The following DOCK11 variants were observed in gnomAD, a reference collection of about 807,000 sequenced individuals.
DOCK11 encodes dedicator of cytokinesis protein 11.
Under a neutral mutation model 169.1 loss-of-function variants are expected in DOCK11, and 70 were observed. That is an observed-to-expected ratio of 0.41 (90% CI 0.34 to 0.51). The LOEUF is 0.51. Ranked by LOEUF, DOCK11 falls within the 20% of genes least tolerant of loss-of-function variation. The pLI, the probability that DOCK11 is intolerant of heterozygous loss-of-function variation, is 0.10. For synonymous variants in DOCK11, 529 were observed against 541.3 expected (o/e 0.98, Z 0.32); for missense variants, 1,166 against 1,538.8 (o/e 0.76, Z 4.05).
At chrX:118,673,344 C>T (rs929221598) in intron 46 of DOCK11, among the ~76,000 whole-genome samples, 12 of 111,599 alleles carry the variant, frequency 1.1e-4, no homozygotes, top group Admixed American at 2.9e-4. Context: ...ATGGTATACA[C>T]GCCTGTGATT....
intron 1 of DOCK11, among the ~76,000 whole-genome samples, chrX:118,522,272 T>G (rs753790460): frequency 9.1e-6 from 1 of 110,351 alleles, no homozygotes; most frequent in Non-Finnish European, 1.9e-5. Flanking sequence ...ATGAGTGATA[T>G]TGCACCACTG....
chrX:118,566,153 A>G lies in DOCK11; in HGVS notation c.842A>G (p.Glu281Gly). ...ATCAACACCGACAGTTTAGTTCAAGAAAAAAAGGAGACGGTAGAAACAGCA... is the reference window on the plus strand; with the variant it reads ...ATCAACACCGACAGTTTAGTTCAAGGAAAAAAGGAGACGGTAGAAACAGCA... ...IQINTDSLVQ[E>G]KKETVETAQD... is the part of the protein sequence containing the mutation. The change falls in exon 8 of 53, where the codon GAA becomes GGA. Residue 281 changes from glutamate (E) to glycine (G), a missense_variant. By Grantham distance (98) the Glu-to-Gly change is moderately conservative. Transcript: ENST00000276202. 8.3e-7 allele frequency: 1 copy of G among 1,202,009 alleles called. No individual in the cohort carries two copies. The highest frequency in any genetic ancestry group is 1.1e-6 in the Non-Finnish European group (1 of 891,051).
chrX:118,516,625 G>C (rs2057691536), intron 1 of DOCK11, among the ~76,000 whole-genome samples: 1 of 108,161 alleles, frequency 9.2e-6, no homozygotes, highest in Non-Finnish European at 1.9e-5. Flanking sequence ...AGTAGAGATG[G>C]GGTTTCGCCA....
chrX:118,543,806 C>T (rs919056083), intron 4 of DOCK11, among the ~76,000 whole-genome samples: 9 of 111,211 alleles, frequency 8.1e-5, no homozygotes, highest in Non-Finnish European at 1.1e-4. Flanking sequence ...AAAAATTAGC[C>T]GGGCGTGGTG....
At chrX:118,542,504 GTGTGTGTGTGTGTGTT>G (rs2012051312) in intron 1 of DOCK11, among the ~76,000 whole-genome samples, 1 of 75,839 alleles carries the variant, frequency 1.3e-5, no homozygotes, top group Non-Finnish European at 2.6e-5. Context: ...GAATGTCTGT[GTGTGTGTGTGTGTGTT>G]TGTGTGTGTG....
At chrX:118,683,028 T>C (rs1283161068) in intron 51 of DOCK11, 51 bp from the exon 52 acceptor site, 1 of 1,139,047 alleles carries the variant, frequency 8.8e-7, no homozygotes, top group Non-Finnish European at 1.2e-6. Flanking sequence ...TTGTCAGTGA[T>C]ACTTCCTAAG....
intron 21 of DOCK11, among the ~76,000 whole-genome samples, 165 bp downstream of exon 21, chrX:118,597,717 G>C (rs2147438158): frequency 8.9e-6 from 1 of 111,818 alleles, no homozygotes; most frequent in South Asian, 3.7e-4. Context: ...AGAATTTATA[G>C]CAGTTTGACA....
chrX:118,638,034 A>G, intron 36 of DOCK11, 46 bp from the exon 37 acceptor site: 2 of 1,039,956 alleles, frequency 1.9e-6, no homozygotes, highest in Non-Finnish European at 2.7e-6. Flanking sequence ...GTTAATCTGT[A>G]GAGGATGTTA....
chrX:118,597,407 C>T, intron 20 of DOCK11, 24 bp from the exon 21 acceptor site: 2 of 1,209,110 alleles, frequency 1.7e-6, no homozygotes, highest in Non-Finnish European at 2.2e-6. Flanking sequence ...TTTCATTTCT[C>T]ACAGTTTGTT....
chrX:118,611,504 T>C (rs184293172), intron 28 of DOCK11, among the ~76,000 whole-genome samples: 44 of 112,588 alleles, frequency 3.9e-4, no homozygotes, highest in Admixed American at 1.2e-3. Flanking sequence ...TCTGACCCCG[T>C]TGGCTTTTGA....
At chrX:118,528,781 C>A (rs1379646589) in intron 1 of DOCK11, among the ~76,000 whole-genome samples, 1 of 84,148 alleles carries the variant, frequency 1.2e-5, no homozygotes, top group African/African-American at 4.7e-5. Flanking sequence ...AGAAAATGTT[C>A]CTGTGGGCAC....
intron 1 of DOCK11, among the ~76,000 whole-genome samples, chrX:118,511,479 A>C (rs746603343): frequency 8.0e-5 from 9 of 112,263 alleles, no homozygotes; most frequent in African/African-American, 2.9e-4. Flanking sequence ...AGTCCTATTT[A>C]AATCTTTTTT....
chrX:118,654,093 T>A (rs981545292), intron 42 of DOCK11, among the ~76,000 whole-genome samples: 1 of 112,422 alleles, frequency 8.9e-6, no homozygotes, highest in Non-Finnish European at 1.9e-5. Flanking sequence ...GAGCACCAGC[T>A]CTAGGGCCAG....
intron 51 of DOCK11, 32 bp downstream of exon 51, chrX:118,681,826 G>A (rs1381212114): frequency 4.6e-6 from 5 of 1,085,810 alleles, no homozygotes; most frequent in Admixed American, 2.7e-5. Context: ...GGTTAGACCC[G>A]TGTTCGTTTT....
At chrX:118,541,316 T>C (rs1202107316) in intron 1 of DOCK11, among the ~76,000 whole-genome samples, 3 of 111,743 alleles carry the variant, frequency 2.7e-5, no homozygotes, top group Non-Finnish European at 5.6e-5. Flanking sequence ...ATGACAGCTG[T>C]GGGTGCATGT....
rs770671327 is a variant in DOCK11 at position 118,553,582 on chromosome X, A to G, written c.558+7466A>G. 4.5e-5 allele frequency among the ~76,000 whole-genome samples: 5 copies of G among 111,578 alleles called. No individual in the cohort carries two copies. The South Asian group carries it at 1.5e-3, about 34-fold the overall frequency. ...TTTAAAATTTTTTTGGCACAAAAAG[A>G]GCCATTTGTTATATATCCAGAGTCC... On this transcript the variant is annotated intron_variant, in intron 6 of 52. Transcript: ENST00000276202.
Position 118,543,898 on chromosome X carries a change from G to A in DOCK11, c.392+305G>A, listed in dbSNP as rs190950984. Among the ~76,000 whole-genome samples the A allele has an allele frequency of 2.8e-4, 31 of 111,663 alleles. 1 individual carries two copies. The highest frequency in any genetic ancestry group is 2.3e-3 in the Admixed American group (24 of 10,481). On this transcript the variant is annotated intron_variant, in intron 4 of 52. Transcript: ENST00000276202. ...CCGGGAGGCGGAGGTTGCAGTGAGCGGAGATCATGCCATCACACTCCAGCT... is the reference window on the plus strand; with the variant it reads ...CCGGGAGGCGGAGGTTGCAGTGAGCAGAGATCATGCCATCACACTCCAGCT...
At chrX:118,517,700 A>G (rs1457019559) in intron 1 of DOCK11, among the ~76,000 whole-genome samples, 2 of 111,432 alleles carry the variant, frequency 1.8e-5, no homozygotes, top group Non-Finnish European at 3.8e-5. Context: ...TCTGTCTGCT[A>G]GATCATTAAA....
At chrX:118,579,277 A>T (rs994076226) in intron 13 of DOCK11, among the ~76,000 whole-genome samples, 24 of 111,656 alleles carry the variant, frequency 2.1e-4, no homozygotes, top group African/African-American at 6.9e-4. Flanking sequence ...ATTTCTAGAA[A>T]ATTGTGAAAT....
Sources: gnomAD v4.1 joint callset for allele counts (sites outside exome capture counted in the v4.1 genomes callset) on GRCh38, gnomAD v4.1.1 for gene constraint, MANE v1.5 for transcripts, NCBI Gene and HGNC (gene_info 2026-07-23, HGNC 2026-07-21) for gene names.